Variants in OSGEPL1 observed in about 807,000 individuals in gnomAD.
OSGEPL1 encodes the protein O-sialoglycoprotein endopeptidase like 1.
In OSGEPL1, 26 loss-of-function variants were observed where a neutral mutation model predicts 37.2. That is an observed-to-expected ratio of 0.70 (90% CI 0.51 to 0.97). The LOEUF (loss-of-function observed/expected upper bound fraction) is 0.97. Among genes scored for constraint, OSGEPL1 ranks in the 50% least tolerant of loss-of-function variants. OSGEPL1 has a pLI of 0.00. For synonymous variants in OSGEPL1, 140 were observed against 159.9 expected (o/e 0.88, Z 0.94); for missense variants, 404 against 487.0 (o/e 0.83, Z 1.60).
intron 1 of OSGEPL1, 65 bp downstream of exon 1, chr2:189,762,620 A>G: frequency 1.0e-6 from 1 of 985,422 alleles, no homozygotes; most frequent in South Asian, 4.7e-5. Flanking sequence ...ACGGGCGCAA[A>G]CTGGAACCGC....
At position 189,762,672 on chromosome 2, in the gene OSGEPL1, C is replaced by A; in HGVS notation, c.-21+13G>T. ...AAGCGTCAGTGGGGTGAAGAGTGAGCAATTTCACCCACCTTCCACTTGGGC... is the reference window on the plus strand; with the variant it reads ...AAGCGTCAGTGGGGTGAAGAGTGAGAAATTTCACCCACCTTCCACTTGGGC... On this transcript the variant is annotated intron_variant, in intron 1 of 8. Transcript: ENST00000264151. 1 of 985,368 alleles carries A rather than the reference C, an allele frequency of 1.0e-6. No individual in the cohort carries two copies. Among genetic ancestry groups the A allele is most frequent in the Non-Finnish European group, 1.2e-6 (1 of 829,938 alleles). 61.0% of individuals were successfully genotyped at this position (985,368 alleles called of 1,614,324 possible). A position where few individuals can be genotyped will look rare whatever the true frequency, so the allele number is the denominator to read the frequency against.
chr2:189,759,369 C>T (rs977485832), intron 2 of OSGEPL1, among the ~76,000 whole-genome samples: 2 of 152,186 alleles, frequency 1.3e-5, no homozygotes, highest in African/African-American at 2.4e-5. Context: ...CTGCCTCAGC[C>T]TCCCAAGTAG....
chr2:189,761,056 T>G (rs1358072910), intron 2 of OSGEPL1: 1 of 154,372 alleles, frequency 6.5e-6, no homozygotes, highest in Non-Finnish European at 1.4e-5. Flanking sequence ...ACAAGTTATA[T>G]GTATAAATAT....
In OSGEPL1 at chr2:189,748,111, T is replaced by C. The variant is rs138842451; in HGVS notation, c.*29-943A>G. On this transcript the variant is annotated intron_variant, in intron 8 of 8. Transcript: ENST00000264151. Reference sequence around the variant, plus strand: ...AGTAAGCATTGAAAGTATATATTAATTAGCGGTTATTTTCCCCGATATGTA... The same window carrying C: ...AGTAAGCATTGAAAGTATATATTAACTAGCGGTTATTTTCCCCGATATGTA... Among the ~76,000 whole-genome samples the C allele has an allele frequency of 1.6e-3, 246 of 152,346 alleles. 2 individuals carry two copies. The highest frequency in any genetic ancestry group is 5.6e-3 in the African/African-American group (232 of 41,584).
At chr2:189,762,457 CCAGA>C (rs2047230871) in intron 1 of OSGEPL1, 11 of 468,512 alleles carry the variant, frequency 2.3e-5, no homozygotes, top group Non-Finnish European at 3.1e-5. Context: ...GCAGTGCAGC[CCAGA>C]CAGACACAAC....
At chr2:189,755,805 A>G (rs1013295761) in intron 2 of OSGEPL1, among the ~76,000 whole-genome samples, 2 of 152,228 alleles carry the variant, frequency 1.3e-5, no homozygotes, top group African/African-American at 4.8e-5. Context: ...GTTTGTTGAC[A>G]AATGAAATCA....
upstream of OSGEPL1, chr2:189,763,048 T>A (rs1169736567): frequency 5.3e-6 from 5 of 952,224 alleles, no homozygotes; most frequent in Non-Finnish European, 6.2e-6. Context: ...TAAAAAGAAA[T>A]TTTTTTTTTG....
In OSGEPL1 at chr2:189,750,634, A is replaced by G. The variant is rs1559160658; in HGVS notation, c.1189T>C (p.Ser397Pro). Residue 397 changes from serine to proline, a missense_variant, in exon 8 of 9, where the codon TCA becomes CCA. Coordinates refer to ENST00000264151, the MANE Select transcript of OSGEPL1 (RefSeq NM_022353.3). ...EPKCPLGVDISKEVGEASIKV... is the reference protein window; with the variant it reads ...EPKCPLGVDIPKEVGEASIKV... ...ATGGAAGCTTCTCCAACTTCTTTTGATATGTCTACTCCAAGAGGACATCTA... is the reference window on the plus strand; with the variant it reads ...ATGGAAGCTTCTCCAACTTCTTTTGGTATGTCTACTCCAAGAGGACATCTA... The G allele has an allele frequency of 1.3e-6, 2 of 1,589,680 alleles. No individual in the cohort carries two copies. Among genetic ancestry groups the G allele is most frequent in the Non-Finnish European group, 1.7e-6 (2 of 1,167,848 alleles).
rs1430064231 is a variant in OSGEPL1 at position 189,755,709 on chromosome 2, A to G, written c.222-149T>C. On this transcript the variant is annotated intron_variant, in intron 2 of 8. Coordinates refer to ENST00000264151, the MANE Select transcript of OSGEPL1 (RefSeq NM_022353.3). Reference sequence around the variant, plus strand: ...AATTGTGTGCCTTCTAACATAGCACACTATGGTTAAAACTCAGTAAGCAGT... The same window carrying G: ...AATTGTGTGCCTTCTAACATAGCACGCTATGGTTAAAACTCAGTAAGCAGT... 6.0e-6 allele frequency: 5 copies of G among 827,242 alleles called. No individual in the cohort carries two copies. In the Admixed American group the frequency reaches 1.1e-4, roughly 18 times the overall value. 51.2% of individuals were successfully genotyped at this position (827,242 alleles called of 1,614,324 possible). A position where few individuals can be genotyped will look rare whatever the true frequency, so the allele number is the denominator to read the frequency against.
Position 189,754,034 on chromosome 2 carries a change from G to A in OSGEPL1, c.845C>T (p.Ala282Val), listed in dbSNP as rs779048476. 1 of 1,613,382 alleles carries A rather than the reference G, an allele frequency of 6.2e-7. No homozygotes were observed. Among genetic ancestry groups the A allele is most frequent in the Middle Eastern group, 1.6e-4 (1 of 6,062 alleles). ...GIEKGQILSS[A>V]ADIAATVQHT... ...CTGTACTGTGGCAGCAATGTCTGCT[G>A]CTGAAGACAGGATTTGCCCCTTCTC... The change falls in exon 5 of 9, where the codon GCA becomes GTA. Residue 282 changes from alanine (A) to valine (V), a missense_variant. Transcript: ENST00000264151.
intron 2 of OSGEPL1, among the ~76,000 whole-genome samples, chr2:189,759,408 C>G (rs887400886): frequency 6.6e-6 from 1 of 152,172 alleles, no homozygotes; most frequent in Non-Finnish European, 1.5e-5. Context: ...GCCACCACGC[C>G]TGGCTAATTT....
chr2:189,759,394 G>A (rs189304082), intron 2 of OSGEPL1, among the ~76,000 whole-genome samples: 3 of 152,086 alleles, frequency 2.0e-5, no homozygotes, highest in East Asian at 3.9e-4. Flanking sequence ...GACTACAGGC[G>A]TCCGCCACCA....
chr2:189,760,391 C>T (rs968728425), intron 2 of OSGEPL1, among the ~76,000 whole-genome samples: 1 of 152,114 alleles, frequency 6.6e-6, no homozygotes, highest in African/African-American at 2.4e-5. Flanking sequence ...GGCGCCCCCA[C>T]CTCCCAGACG....
intron 1 of OSGEPL1, 44 bp downstream of exon 1, chr2:189,762,641 G>A: frequency 1.0e-6 from 1 of 985,440 alleles, no homozygotes; most frequent in Non-Finnish European, 1.2e-6. Flanking sequence ...TTTTCCAGGT[G>A]CGCAAAAGCG....
At position 189,760,609 on chromosome 2, in the gene OSGEPL1, G is replaced by A. The variant is rs1190519981; in HGVS notation, c.221+811C>T. Among the ~76,000 whole-genome samples the A allele has an allele frequency of 2.0e-5, 3 of 152,244 alleles. No individual in the cohort carries two copies. The East Asian group carries it at 5.8e-4, about 29-fold the overall frequency. On this transcript the variant is annotated intron_variant, in intron 2 of 8. Coordinates refer to ENST00000264151, the MANE Select transcript of OSGEPL1 (RefSeq NM_022353.3). ...AGATTGAGACCATCCTGGCCAACAT[G>A]GTGAAACCCCGTCTCTACTAAAATG...
At chr2:189,760,249 C>T (rs1169074936) in intron 2 of OSGEPL1, among the ~76,000 whole-genome samples, 1 of 152,204 alleles carries the variant, frequency 6.6e-6, no homozygotes, top group East Asian at 1.9e-4. Context: ...GTCATCATGG[C>T]CCGTTCTCAA....
At chr2:189,757,598 A>T (rs2046268664) in intron 2 of OSGEPL1, among the ~76,000 whole-genome samples, 1 of 152,252 alleles carries the variant, frequency 6.6e-6, no homozygotes, top group South Asian at 2.1e-4. Context: ...CTGAGGCACA[A>T]AAAACTGTGC....
At chr2:189,750,898 C>T (rs2045068740) in intron 7 of OSGEPL1, among the ~76,000 whole-genome samples, 1 of 151,906 alleles carries the variant, frequency 6.6e-6, no homozygotes, top group African/African-American at 2.4e-5. Flanking sequence ...TTGCTGTTCT[C>T]AAATACTGTA....
intron 5 of OSGEPL1, among the ~76,000 whole-genome samples, chr2:189,753,521 G>A (rs2045615832): frequency 1.3e-5 from 2 of 151,922 alleles, no homozygotes; most frequent in African/African-American, 4.8e-5. Flanking sequence ...CACGAAAGTT[G>A]GTATACCACC....
Sources: allele counts gnomAD v4.1 joint callset (sites outside exome capture counted in the v4.1 genomes callset), GRCh38; gene constraint gnomAD v4.1.1; transcripts MANE v1.5; gene names NCBI Gene and HGNC (gene_info 2026-07-23, HGNC 2026-07-21).